DOCK3: variants seen among roughly 807,000 people sequenced by gnomAD.
DOCK3 encodes the protein dedicator of cytokinesis 3, also known as dedicator of cytokinesis protein 3.
In DOCK3, 60 loss-of-function variants were observed where a neutral mutation model predicts 265.6. The ratio of observed to expected loss-of-function variants is 0.23; its 90% CI spans 0.18 to 0.28. The LOEUF is 0.28. Ranked by LOEUF, DOCK3 falls within the 10% of genes least tolerant of loss-of-function variation. The pLI, the probability that DOCK3 is intolerant of heterozygous loss-of-function variation, is 1.00. For missense variants in DOCK3, 1,981 were observed against 2,594.3 expected (o/e 0.76, Z 5.14); for synonymous variants, 881 against 938.0 (o/e 0.94, Z 1.11).
chr3:50,893,823 G>C (rs2048757481), intron 4 of DOCK3, among the ~76,000 whole-genome samples: 1 of 151,892 alleles, frequency 6.6e-6, no homozygotes, highest in Non-Finnish European at 1.5e-5. Flanking sequence ...GTCCTTTGTA[G>C]GGACATGGAT....
At chr3:51,160,931 C>G (rs2086098014) in intron 12 of DOCK3, among the ~76,000 whole-genome samples, 1 of 151,898 alleles carries the variant, frequency 6.6e-6, no homozygotes, top group African/African-American at 2.4e-5. Flanking sequence ...AAAAAATTAG[C>G]CAGGCGTGGT....
Position 51,134,754 on chromosome 3 carries a change from A to G in DOCK3, c.747-11795A>G, listed in dbSNP as rs183579308. ...CAGGTATATTTTCCCATGGAACCGA[A>G]TTTTCCACACCCCAAAACTTTTTTT... is the stretch of plus-strand genomic sequence containing the variant. On this transcript the variant is annotated intron_variant, in intron 9 of 52. Coordinates refer to ENST00000266037, the MANE Select transcript of DOCK3 (RefSeq NM_004947.5). Among the ~76,000 whole-genome samples the G allele has an allele frequency of 2.9e-4, 44 of 152,248 alleles. No homozygotes were observed. In the East Asian group the frequency reaches 7.7e-3, roughly 27 times the overall value.
At chr3:50,977,718 G>A (rs1281701263) in intron 5 of DOCK3, among the ~76,000 whole-genome samples, 2 of 152,000 alleles carry the variant, frequency 1.3e-5, no homozygotes, top group Admixed American at 6.6e-5. Flanking sequence ...AAGTTCTCCT[G>A]GAAAATATCC....
In DOCK3 at chr3:51,194,597, C is replaced by CAT. The variant is rs570573100; in HGVS notation, c.1038-14170_1038-14169dup. ...AATCCAGGTGTTCCAATGTTGGTTA[C>CAT]ATATATATTTAGAATTTTTTATCAT... On this transcript the variant is annotated intron_variant, in intron 12 of 52. Transcript: ENST00000266037. Among the ~76,000 whole-genome samples, 379 of 152,126 alleles carry CAT rather than the reference C, an allele frequency of 2.5e-3. 1 individual carries two copies. Among genetic ancestry groups the CAT allele is most frequent in the African/African-American group, 8.6e-3 (356 of 41,494 alleles).
rs976236936 is a variant in DOCK3, at chr3:51,225,855, C to A, written c.1377+82C>A. 2.0e-6 allele frequency: 3 copies of A among 1,477,206 alleles called. No individual in the cohort carries two copies. The Admixed American group carries it at 6.9e-5, about 34-fold the overall frequency. The allele number at this position is 1,477,206 out of a possible 1,614,324, so 91.5% of individuals were successfully genotyped here. Reference sequence around the variant, plus strand: ...TGGACTTTATCCAGAGGCCCATTCTCTTCAAGCAGGATTAAAATCACCCCA... The same window carrying A: ...TGGACTTTATCCAGAGGCCCATTCTATTCAAGCAGGATTAAAATCACCCCA... On this transcript the variant is annotated intron_variant, in intron 15 of 52. Coordinates refer to ENST00000266037, the MANE Select transcript of DOCK3 (RefSeq NM_004947.5).
rs1257602604 is a variant in DOCK3 at position 51,382,838 on chromosome 3, A to T, written c.*1279A>T. ...TATAAAGCAGAGCAGTGGTGTCTTTAGAGGAAACTCATTCAAGTCAGGGCA... is the reference window on the plus strand; with the variant it reads ...TATAAAGCAGAGCAGTGGTGTCTTTTGAGGAAACTCATTCAAGTCAGGGCA... On this transcript the variant is annotated 3_prime_UTR_variant, in exon 53 of 53. Coordinates refer to ENST00000266037, the MANE Select transcript of DOCK3 (RefSeq NM_004947.5). 6.6e-6 allele frequency: 1 copy of T among 152,406 alleles called. No individual in the cohort carries two copies. 9.4% of individuals were successfully genotyped at this position (152,406 alleles called of 1,614,324 possible). A position where few individuals can be genotyped will look rare whatever the true frequency, so the allele number is the denominator to read the frequency against.
At chr3:50,996,615 CTT>C (rs1280945035) in intron 5 of DOCK3, among the ~76,000 whole-genome samples, 1 of 152,074 alleles carries the variant, frequency 6.6e-6, no homozygotes, top group African/African-American at 2.4e-5. Flanking sequence ...CTTTCAATTT[CTT>C]TCTCTCTACT....
At chr3:51,319,286 A>G (rs2083542072) in intron 32 of DOCK3, among the ~76,000 whole-genome samples, 1 of 152,110 alleles carries the variant, frequency 6.6e-6, no homozygotes, top group African/African-American at 2.4e-5. Context: ...GTGTAGCTCT[A>G]ATGCCTCCAG....
At chr3:50,968,558 T>G (rs1444274650) in intron 5 of DOCK3, among the ~76,000 whole-genome samples, 1 of 151,658 alleles carries the variant, frequency 6.6e-6, no homozygotes, top group Non-Finnish European at 1.5e-5. Context: ...TTTCAATTTT[T>G]TTTTTTTTTT....
chr3:50,869,569 G>A (rs556546475), intron 3 of DOCK3, among the ~76,000 whole-genome samples: 112 of 151,050 alleles, frequency 7.4e-4, no homozygotes, highest in Non-Finnish European at 1.2e-3. Context: ...ATGGGGTTTT[G>A]CCGTGTTGGC....
At chr3:50,758,330 A>G (rs1391933976) in intron 1 of DOCK3, among the ~76,000 whole-genome samples, 2 of 151,190 alleles carry the variant, frequency 1.3e-5, no homozygotes, top group Non-Finnish European at 2.9e-5. Flanking sequence ...GTAATTTTAT[A>G]GTAAGTTTTG....
intron 5 of DOCK3, among the ~76,000 whole-genome samples, chr3:50,947,510 G>A (rs1277609013): frequency 6.6e-6 from 1 of 152,098 alleles, no homozygotes; most frequent in Non-Finnish European, 1.5e-5. Flanking sequence ...CAATAAGATA[G>A]CATCAGTATA....
At chr3:51,134,737 T>C (rs1284462981) in intron 9 of DOCK3, among the ~76,000 whole-genome samples, 1 of 152,192 alleles carries the variant, frequency 6.6e-6, no homozygotes, top group Non-Finnish European at 1.5e-5. Context: ...CCCAGGTATA[T>C]TTTCCCATGG....
chr3:51,301,862 A>G (rs745567461), intron 27 of DOCK3, among the ~76,000 whole-genome samples: 2 of 152,086 alleles, frequency 1.3e-5, no homozygotes, highest in Admixed American at 6.6e-5. Context: ...TATGTTATCA[A>G]TTTTAGAGTA....
At chr3:51,070,325 T>C (rs2109330775) in intron 6 of DOCK3, among the ~76,000 whole-genome samples, 1 of 152,344 alleles carries the variant, frequency 6.6e-6, no homozygotes, top group East Asian at 1.9e-4. Context: ...TTATTACTTA[T>C]TATAACTTTC....
chr3:51,355,874 C>A (rs1005244696), intron 41 of DOCK3, among the ~76,000 whole-genome samples: 2 of 152,120 alleles, frequency 1.3e-5, no homozygotes, highest in Non-Finnish European at 2.9e-5. Flanking sequence ...TCATGAAACT[C>A]AACTACTAGA....
chr3:50,719,909 T>C (rs980251443), intron 1 of DOCK3: 1 of 596,602 alleles, frequency 1.7e-6, no homozygotes. Flanking sequence ...TGCTAACAGC[T>C]TGAAGGAGAT....
chr3:51,268,123 C>T (rs2080299715), intron 23 of DOCK3, among the ~76,000 whole-genome samples: 1 of 151,998 alleles, frequency 6.6e-6, no homozygotes, highest in Admixed American at 6.6e-5. Flanking sequence ...ACATGTATCC[C>T]AGAGCTTAAA....
intron 4 of DOCK3, among the ~76,000 whole-genome samples, chr3:50,909,806 A>G (rs1026879125): frequency 2.6e-5 from 4 of 151,826 alleles, no homozygotes; most frequent in Admixed American, 6.6e-5. Flanking sequence ...GATATCCTGA[A>G]GTATGTTTTC....
Sources: gnomAD v4.1 joint callset for allele counts (sites outside exome capture counted in the v4.1 genomes callset) on GRCh38, gnomAD v4.1.1 for gene constraint, MANE v1.5 for transcripts, NCBI Gene and HGNC (gene_info 2026-07-23, HGNC 2026-07-21) for gene names.